PCNX2: variants seen among roughly 807,000 people sequenced by gnomAD.
The protein encoded by PCNX2 is pecanex 2, also known as pecanex-like protein 2.
A neutral mutation model predicts 223.8 loss-of-function variants in PCNX2; 168 were observed. That is an observed-to-expected ratio of 0.75 (90% CI 0.66 to 0.85). The LOEUF is 0.85. PCNX2 is among the 40% of genes least tolerant of loss of function. The pLI is 0.00. For missense variants in PCNX2, 2,507 were observed against 2,675.5 expected (o/e 0.94, Z 1.39); for synonymous variants, 1,006 against 1,052.6 (o/e 0.96, Z 0.86).
At chr1:233,133,231 T>C (rs970071007) in intron 21 of PCNX2, among the ~76,000 whole-genome samples, 25 of 152,302 alleles carry the variant, frequency 1.6e-4, no homozygotes, top group Non-Finnish European at 8.8e-5. Context: ...CTCTTATCCC[T>C]GCAAGCAGTG....
At chr1:233,265,682 C>T (rs895250279) in intron 1 of PCNX2, among the ~76,000 whole-genome samples, 18 of 152,030 alleles carry the variant, frequency 1.2e-4, no homozygotes, top group Admixed American at 9.2e-4. Flanking sequence ...GAGTTGTGGC[C>T]GCTGTGGAAG....
intron 8 of PCNX2, among the ~76,000 whole-genome samples, chr1:233,245,905 G>A (rs1388646780): frequency 6.6e-6 from 1 of 151,248 alleles, no homozygotes; most frequent in East Asian, 1.9e-4. Flanking sequence ...GACAGACGGA[G>A]ACTCTATCTC....
intron 32 of PCNX2, among the ~76,000 whole-genome samples, chr1:232,996,585 A>G (rs1467007347): frequency 6.6e-6 from 1 of 151,882 alleles, no homozygotes; most frequent in African/African-American, 2.4e-5. Context: ...TTGTCTATTT[A>G]CCTATCTATC....
intron 28 of PCNX2, among the ~76,000 whole-genome samples, chr1:233,005,152 T>G (rs1401580073): frequency 6.6e-6 from 1 of 152,198 alleles, no homozygotes; most frequent in African/African-American, 2.4e-5. Context: ...AGCTAACTCC[T>G]GAAAAATGGG....
chr1:233,188,426 T>C (rs1434630277), intron 15 of PCNX2, among the ~76,000 whole-genome samples: 1 of 152,172 alleles, frequency 6.6e-6, no homozygotes, highest in Non-Finnish European at 1.5e-5. Flanking sequence ...TCTACTGCTT[T>C]TTCTGTCCCT....
intron 25 of PCNX2, among the ~76,000 whole-genome samples, chr1:233,036,212 A>G (rs1041823025): frequency 1.3e-5 from 2 of 152,142 alleles, no homozygotes; most frequent in African/African-American, 4.8e-5. Context: ...CGGGGACAGA[A>G]TCCTAGAACA....
chr1:233,294,768 G>C (rs940883335), intron 1 of PCNX2, among the ~76,000 whole-genome samples: 1 of 152,120 alleles, frequency 6.6e-6, no homozygotes, highest in African/African-American at 2.4e-5. Flanking sequence ...TTAGCATAAA[G>C]TACATTAGAT....
chr1:233,160,246 C>CAT, intron 19 of PCNX2, 37 bp downstream of exon 19: 1 of 1,444,952 alleles, frequency 6.9e-7, no homozygotes, highest in South Asian at 1.2e-5. Context: ...CCTACCCCTC[C>CAT]TTTTTTTTTT....
intron 1 of PCNX2, among the ~76,000 whole-genome samples, chr1:233,291,347 C>T (rs1661751072): frequency 6.6e-6 from 1 of 152,122 alleles, no homozygotes; most frequent in Non-Finnish European, 1.5e-5. Context: ...TGGTGGCTCA[C>T]GCCTGTAATC....
At chr1:233,254,011 A>G (rs1047713191) in intron 5 of PCNX2, among the ~76,000 whole-genome samples, 4 of 152,214 alleles carry the variant, frequency 2.6e-5, no homozygotes, top group Admixed American at 6.5e-5. Flanking sequence ...GCCTGAACCT[A>G]CAAGTTCTTT....
intron 28 of PCNX2, among the ~76,000 whole-genome samples, chr1:233,010,492 C>T (rs890075282): frequency 2.0e-5 from 3 of 152,240 alleles, no homozygotes; most frequent in East Asian, 3.8e-4. Context: ...CCATCTTCTC[C>T]TAACCTCGAA....
the PCNX2 span, among the ~76,000 whole-genome samples, chr1:233,322,319 T>C: frequency 3.3e-5 from 5 of 152,292 alleles, no homozygotes; most frequent in South Asian, 1.0e-3. Context: ...CAGATGTGGT[T>C]ACAGTACATG....
At chr1:233,269,447 C>A (rs1292752314) in intron 1 of PCNX2, among the ~76,000 whole-genome samples, 1 of 152,112 alleles carries the variant, frequency 6.6e-6, no homozygotes, top group African/African-American at 2.4e-5. Context: ...AGAAAACGCA[C>A]CCATAAAAAA....
At chr1:233,281,809 C>T (rs1661206910) in intron 1 of PCNX2, among the ~76,000 whole-genome samples, 1 of 152,128 alleles carries the variant, frequency 6.6e-6, no homozygotes, top group Non-Finnish European at 1.5e-5. Context: ...ATATGCACTA[C>T]CAAAACTGTG....
At chr1:233,054,546 G>A (rs943182026) in intron 24 of PCNX2, 63 bp from the exon 25 acceptor site, 2 of 1,323,262 alleles carry the variant, frequency 1.5e-6, no homozygotes, top group Admixed American at 3.9e-5. Context: ...CCAGACCTAG[G>A]AAACAGTGAG....
intron 9 of PCNX2, among the ~76,000 whole-genome samples, chr1:233,232,590 A>G (rs930635345): frequency 1.3e-5 from 2 of 152,242 alleles, no homozygotes; most frequent in African/African-American, 4.8e-5. Context: ...AAATAAATGA[A>G]TATGTATGAT....
At chr1:233,309,848 A>G in the PCNX2 span, among the ~76,000 whole-genome samples, 1 of 150,314 alleles carries the variant, frequency 6.7e-6, no homozygotes. Context: ...ACTGTACTCC[A>G]GCCTAGGCGA....
At chr1:233,122,073 TACACACACACACACAC>T (rs3033285) in intron 21 of PCNX2, among the ~76,000 whole-genome samples, 2 of 131,486 alleles carry the variant, frequency 1.5e-5, no homozygotes, top group Non-Finnish European at 3.3e-5. Flanking sequence ...AGTTAGAAAG[TACACACACACACACAC>T]ACACACACAC....
chr1:233,252,327 C>T (rs756845135), intron 7 of PCNX2, 27 bp downstream of exon 7: 1 of 1,580,746 alleles, frequency 6.3e-7, no homozygotes, highest in South Asian at 1.1e-5. Context: ...CCTGCTTGTT[C>T]ATTAGTAAAG....
Sources: allele counts gnomAD v4.1 joint callset (sites outside exome capture counted in the v4.1 genomes callset), GRCh38; gene constraint gnomAD v4.1.1; transcripts MANE v1.5; gene names NCBI Gene and HGNC (gene_info 2026-07-23, HGNC 2026-07-21).